CCDC178: variants seen among roughly 807,000 people sequenced by gnomAD.
CCDC178 encodes the protein coiled-coil domain containing 178, also known as coiled-coil domain-containing protein 178.
A neutral mutation model predicts 117.4 loss-of-function variants in CCDC178; 126 were observed. The observed-to-expected ratio is 1.07, with a 90% CI of 0.93 to 1.24. The LOEUF is 1.24. Ranked by LOEUF, CCDC178 falls within the 50% of genes most tolerant of loss-of-function variation. The pLI is 0.00. For synonymous variants in CCDC178, 283 were observed against 313.4 expected, an observed-to-expected ratio of 0.90 and a Z score of 1.02; for missense variants, 1,030 against 986.9, an observed-to-expected ratio of 1.04 and a Z score of -0.59.
chr18:33,194,974 C>T (rs570438949), intron 20 of CCDC178, among the ~76,000 whole-genome samples: 3 of 113,060 alleles, frequency 2.7e-5, no homozygotes, highest in Non-Finnish European at 5.3e-5. Flanking sequence ...GAGAAAATAG[C>T]CAGGTGCAGT....
intron 20 of CCDC178, among the ~76,000 whole-genome samples, chr18:33,098,599 C>T (rs1050707096): frequency 6.6e-6 from 1 of 152,044 alleles, no homozygotes; most frequent in Non-Finnish European, 1.5e-5. Flanking sequence ...CATATTCTTG[C>T]ATAGACCGCA....
rs16964330 is a variant in CCDC178 at position 33,183,763 on chromosome 18, T to C, written c.2238+28133A>G. On this transcript the variant is annotated intron_variant, in intron 20 of 22. Transcript: ENST00000383096. ...AGCTCATCTTAAATATGCAATTAAA[T>C]AGATTTATTCTACAAGTTTCTCTAG... 8.5e-3 allele frequency among the ~76,000 whole-genome samples: 1,291 copies of C among 151,784 alleles called. 17 individuals carry two copies. Among genetic ancestry groups the C allele is most frequent in the African/African-American group, 0.029 (1,205 of 41,268 alleles).
intron 20 of CCDC178, among the ~76,000 whole-genome samples, chr18:33,169,639 C>G (rs1568031139): frequency 2.0e-5 from 3 of 152,126 alleles, no homozygotes; most frequent in Admixed American, 6.5e-5. Context: ...GATGCCAACT[C>G]TTTACTTAAA....
intron 21 of CCDC178, among the ~76,000 whole-genome samples, chr18:33,005,486 A>G (rs1274611508): frequency 6.6e-6 from 1 of 152,044 alleles, no homozygotes; most frequent in Non-Finnish European, 1.5e-5. Context: ...CATGGGGAAT[A>G]GGAGATGGTT....
intron 5 of CCDC178, among the ~76,000 whole-genome samples, chr18:33,384,507 C>T (rs935033441): frequency 3.9e-5 from 6 of 152,134 alleles, no homozygotes; most frequent in Non-Finnish European, 7.4e-5. Flanking sequence ...AGACTAACCG[C>T]GTACCTCTCC....
At chr18:33,242,469 C>T (rs1331118016) in intron 15 of CCDC178, among the ~76,000 whole-genome samples, 1 of 151,462 alleles carries the variant, frequency 6.6e-6, no homozygotes, top group Non-Finnish European at 1.5e-5. Context: ...GAAAATACCA[C>T]CTAAAGAACA....
At chr18:33,261,959 ATT>A (rs966557881) in intron 14 of CCDC178, among the ~76,000 whole-genome samples, 3 of 151,944 alleles carry the variant, frequency 2.0e-5, no homozygotes, top group Admixed American at 1.3e-4. Context: ...TTTGGGTATA[ATT>A]TTCTAATGAA....
intron 22 of CCDC178, among the ~76,000 whole-genome samples, chr18:32,973,147 T>G (rs963350168): frequency 5.3e-5 from 8 of 152,130 alleles, no homozygotes; most frequent in African/African-American, 1.9e-4. Context: ...CAAGGATTAT[T>G]GAAAGGTATG....
At chr18:33,001,491 C>T (rs191503406) in intron 21 of CCDC178, among the ~76,000 whole-genome samples, 16 of 151,570 alleles carry the variant, frequency 1.1e-4, no homozygotes, top group Admixed American at 6.6e-4. Flanking sequence ...CCACCCTGGG[C>T]GACAGAGCGA....
chr18:33,080,302 A>C (rs1299473476), intron 21 of CCDC178, among the ~76,000 whole-genome samples: 1 of 152,138 alleles, frequency 6.6e-6, no homozygotes, highest in East Asian at 1.9e-4. Context: ...AGGGAGAGGA[A>C]CAGAAAATAG....
rs545837240 is a variant in CCDC178, at chr18:33,304,714, G to A, written c.1023-11402C>T. On this transcript the variant is annotated intron_variant, in intron 11 of 22. Coordinates refer to ENST00000383096, the MANE Select transcript of CCDC178 (RefSeq NM_001105528.4). ...GCTGAGACTAGTTAGAACCAAGATG[G>A]TCAACTGGACTGAACAACTTCAAAA... Among the ~76,000 whole-genome samples the A allele has an allele frequency of 1.2e-4, 19 of 152,182 alleles. No homozygotes were observed. In the South Asian group the frequency reaches 3.7e-3, roughly 30 times the overall value.
intron 2 of CCDC178, among the ~76,000 whole-genome samples, chr18:33,435,369 G>A (rs1251715477): frequency 6.6e-6 from 1 of 152,036 alleles, no homozygotes; most frequent in African/African-American, 2.4e-5. Context: ...AAAGTCTTTT[G>A]GACAGTGTTG....
intron 21 of CCDC178, among the ~76,000 whole-genome samples, chr18:33,023,108 C>T (rs572574516): frequency 8.5e-5 from 13 of 152,116 alleles, no homozygotes; most frequent in Admixed American, 3.3e-4. Flanking sequence ...ATAGAAAGGA[C>T]GAGTAGAAAA....
intron 20 of CCDC178, among the ~76,000 whole-genome samples, chr18:33,206,975 T>C (rs1018683359): frequency 6.6e-6 from 1 of 152,192 alleles, no homozygotes; most frequent in African/African-American, 2.4e-5. Flanking sequence ...CCTTTGAGTC[T>C]TGAAGCCAAA....
chr18:33,004,135 A>G (rs941983350), intron 21 of CCDC178, among the ~76,000 whole-genome samples: 1 of 152,176 alleles, frequency 6.6e-6, no homozygotes, highest in Non-Finnish European at 1.5e-5. Flanking sequence ...ATCCCTATCA[A>G]CATACGAATG....
intron 21 of CCDC178, among the ~76,000 whole-genome samples, chr18:33,077,483 G>T (rs1306444277): frequency 6.6e-6 from 1 of 151,976 alleles, no homozygotes; most frequent in Non-Finnish European, 1.5e-5. Context: ...TTATCAGTTG[G>T]CCTAGGAGTG....
intron 21 of CCDC178, among the ~76,000 whole-genome samples, chr18:33,071,355 T>A (rs2057105690): frequency 6.6e-6 from 1 of 152,146 alleles, no homozygotes; most frequent in Non-Finnish European, 1.5e-5. Flanking sequence ...ATAAAGGTAT[T>A]TTTTAAATGA....
chr18:33,198,363 T>A (rs1283152056), intron 20 of CCDC178, among the ~76,000 whole-genome samples: 1 of 152,138 alleles, frequency 6.6e-6, no homozygotes, highest in African/African-American at 2.4e-5. Context: ...TAAAAACAAT[T>A]TCCTGGCTCT....
intron 12 of CCDC178, among the ~76,000 whole-genome samples, chr18:33,270,347 T>C (rs1470170717): frequency 6.6e-6 from 1 of 151,482 alleles, no homozygotes; most frequent in Non-Finnish European, 1.5e-5. Flanking sequence ...GGCTGAAAAC[T>C]TGCAAAATTT....
Sources: allele counts gnomAD v4.1 joint callset (sites outside exome capture counted in the v4.1 genomes callset), GRCh38; gene constraint gnomAD v4.1.1; transcripts MANE v1.5; gene names NCBI Gene and HGNC (gene_info 2026-07-23, HGNC 2026-07-21).